USP15: variants seen among roughly 807,000 people sequenced by gnomAD.
The protein encoded by USP15 is ubiquitin specific peptidase 15.
Under a neutral mutation model 127.1 loss-of-function variants are expected in USP15, and 18 were observed. That is an observed-to-expected ratio of 0.14 (90% CI 0.10 to 0.21). The LOEUF (loss-of-function observed/expected upper bound fraction) is 0.21, where lower values mean the gene tolerates loss of function less well. USP15 is among the 10% of genes least tolerant of loss of function. The pLI is 1.00. For synonymous variants in USP15, 364 were observed against 393.7 expected (o/e 0.92, Z 0.89); for missense variants, 805 against 1,159.9 (o/e 0.69, Z 4.44).
intron 1 of USP15, among the ~76,000 whole-genome samples, chr12:62,262,395 C>A (rs1201030067): frequency 6.6e-6 from 1 of 152,110 alleles, no homozygotes; most frequent in Non-Finnish European, 1.5e-5. Context: ...TTTAAAAATT[C>A]TTAATTCACC....
chr12:62,392,367 G>A lies in USP15; in HGVS notation c.2400G>A (p.Lys800=). 6.3e-7 allele frequency: 1 copy of A among 1,599,588 alleles called. No homozygotes were observed. The highest frequency in any genetic ancestry group is 8.5e-7 in the Non-Finnish European group (1 of 1,175,234). The part of the protein sequence containing the change: ...DCIELFTTKE[K]LGAEDPWYCP... ...TTGAACTTTTTACAACAAAAGAAAAGCTAGGTGCTGAAGATCCCTGGTAAG... is the reference window on the plus strand; with the variant it reads ...TTGAACTTTTTACAACAAAAGAAAAACTAGGTGCTGAAGATCCCTGGTAAG... The change falls in exon 18 of 22, where the codon AAG becomes AAA. Residue 800 remains lysine, a synonymous_variant. Transcript: ENST00000280377.
At chr12:62,329,512 G>A (rs995855967) in intron 6 of USP15, among the ~76,000 whole-genome samples, 1 of 152,170 alleles carries the variant, frequency 6.6e-6, no homozygotes, top group Admixed American at 6.5e-5. Context: ...TATACACAGA[G>A]TTAAAAGTCA....
At chr12:62,374,195 A>G (rs527420051) in intron 8 of USP15, among the ~76,000 whole-genome samples, 1 of 152,162 alleles carries the variant, frequency 6.6e-6, no homozygotes, top group South Asian at 2.1e-4. Flanking sequence ...TATTTTTTAA[A>G]TCATAACAAA....
At chr12:62,314,269 T>C (rs1247969189) in intron 3 of USP15, among the ~76,000 whole-genome samples, 3 of 151,914 alleles carry the variant, frequency 2.0e-5, no homozygotes, top group African/African-American at 4.8e-5. Flanking sequence ...TTAATAGATA[T>C]ATTTTAACAT....
At chr12:62,377,551 C>G (rs1025599188) in intron 8 of USP15, among the ~76,000 whole-genome samples, 1 of 151,918 alleles carries the variant, frequency 6.6e-6, no homozygotes, top group African/African-American at 2.4e-5. Context: ...GAAACCCCGT[C>G]TCCACTAAAA....
intron 20 of USP15, 23 bp downstream of exon 20, chr12:62,396,421 T>C (rs1247954819): frequency 6.2e-7 from 1 of 1,601,234 alleles, no homozygotes; most frequent in South Asian, 1.1e-5. Context: ...TTTGCCTTTT[T>C]ACCCAAATCA....
intron 18 of USP15, among the ~76,000 whole-genome samples, chr12:62,392,676 G>A (rs530162870): frequency 4.3e-4 from 66 of 152,038 alleles, no homozygotes; most frequent in Admixed American, 1.3e-3. Context: ...CATTTTGAGA[G>A]AAGCTTTTTA....
chr12:62,352,269 A>C (rs1046723763), intron 7 of USP15, among the ~76,000 whole-genome samples: 1 of 151,912 alleles, frequency 6.6e-6, no homozygotes, highest in South Asian at 2.1e-4. Flanking sequence ...AAGTTTAATA[A>C]GTTTTTATTA....
chr12:62,364,596 T>C (rs2066421220), intron 8 of USP15, among the ~76,000 whole-genome samples: 1 of 152,234 alleles, frequency 6.6e-6, no homozygotes, highest in East Asian at 1.9e-4. Context: ...AGTTCTGGGG[T>C]ACATGTGCGC....
chr12:62,357,783 A>T (rs2066177879), intron 8 of USP15, among the ~76,000 whole-genome samples: 1 of 152,090 alleles, frequency 6.6e-6, no homozygotes, highest in South Asian at 2.1e-4. Context: ...AACTTCCATG[A>T]TTTTTAATTG....
chr12:62,315,156 AT>A, intron 4 of USP15: 1 of 265,976 alleles, frequency 3.8e-6, no homozygotes. Flanking sequence ...TCAAATAATT[AT>A]TGTTTTTATT....
chr12:62,383,560 A>G lies in USP15; in HGVS notation c.1090-280A>G, dbSNP rs200243167. Reference sequence around the variant, plus strand: ...GAAAAAACATAACACTAAATAAACTACAAAGGACACTTGTTTATAGATTCA... The same window carrying G: ...GAAAAAACATAACACTAAATAAACTGCAAAGGACACTTGTTTATAGATTCA... On this transcript the variant is annotated intron_variant, in intron 9 of 21. Transcript: ENST00000280377. Among the ~76,000 whole-genome samples the G allele has an allele frequency of 1.1e-4, 16 of 152,122 alleles. No homozygotes were observed. In the East Asian group the frequency reaches 3.1e-3, roughly 29 times the overall value.
intron 8 of USP15, among the ~76,000 whole-genome samples, chr12:62,380,123 GT>G (rs1199048277): frequency 1.3e-5 from 2 of 151,688 alleles, no homozygotes; most frequent in Non-Finnish European, 2.9e-5. Context: ...TATTATTTTC[GT>G]TGCCTAAGAA....
chr12:62,264,038 G>C (rs2063136724), intron 1 of USP15, among the ~76,000 whole-genome samples: 2 of 152,158 alleles, frequency 1.3e-5, no homozygotes, highest in Non-Finnish European at 2.9e-5. Flanking sequence ...GCCCAGGCTA[G>C]AGTACAGTGC....
At chr12:62,380,384 T>C (rs1287209612) in intron 8 of USP15, among the ~76,000 whole-genome samples, 3 of 152,030 alleles carry the variant, frequency 2.0e-5, no homozygotes, top group African/African-American at 7.2e-5. Context: ...AAACAATGCA[T>C]AGTATATAGT....
chr12:62,360,793 T>G (rs534862252), intron 8 of USP15, among the ~76,000 whole-genome samples: 1 of 152,192 alleles, frequency 6.6e-6, no homozygotes, highest in Admixed American at 6.5e-5. Flanking sequence ...AATTTAAAAC[T>G]ACTACTTTCT....
intron 6 of USP15, among the ~76,000 whole-genome samples, chr12:62,342,455 AGAG>A (rs2137386837): frequency 6.6e-6 from 1 of 152,070 alleles, no homozygotes; most frequent in Non-Finnish European, 1.5e-5. Flanking sequence ...CCCTTGCTGG[AGAG>A]GAGTTGTGAT....
chr12:62,354,785 C>T (rs763499557), intron 7 of USP15, among the ~76,000 whole-genome samples: 1 of 151,850 alleles, frequency 6.6e-6, no homozygotes, highest in Non-Finnish European at 1.5e-5. Flanking sequence ...CTTTTTTCTG[C>T]ATTTGAATAC....
chr12:62,364,266 C>T (rs1319719660), intron 8 of USP15, among the ~76,000 whole-genome samples: 5 of 152,074 alleles, frequency 3.3e-5, no homozygotes, highest in African/African-American at 1.2e-4. Context: ...TTCCATTATC[C>T]CCAAAATACA....
Sources: allele counts gnomAD v4.1 joint callset (sites outside exome capture counted in the v4.1 genomes callset), GRCh38; gene constraint gnomAD v4.1.1; transcripts MANE v1.5; gene names NCBI Gene and HGNC (gene_info 2026-07-23, HGNC 2026-07-21).